PARD3: variants seen among roughly 807,000 people sequenced by gnomAD.
PARD3 encodes partitioning defective 3 homolog.
In PARD3, 75 loss-of-function variants were observed where a neutral mutation model predicts 155.4. The ratio of observed to expected loss-of-function variants is 0.48; its 90% CI spans 0.40 to 0.58. PARD3 has a LOEUF of 0.58. PARD3 is among the 20% of genes least tolerant of loss of function. PARD3 has a pLI of 0.00. For synonymous variants in PARD3, 576 were observed against 610.5 expected, an observed-to-expected ratio of 0.94 and a Z score of 0.83; for missense variants, 1,642 against 1,721.7, an observed-to-expected ratio of 0.95 and a Z score of 0.82.
At chr10:34,211,065 C>T (rs550445391) in intron 22 of PARD3, among the ~76,000 whole-genome samples, 1 of 152,242 alleles carries the variant, frequency 6.6e-6, no homozygotes, top group Admixed American at 6.5e-5. Context: ...TCTACTTCAC[C>T]GGGTTGACGT....
intron 1 of PARD3, among the ~76,000 whole-genome samples, chr10:34,732,058 T>C (rs1178143303): frequency 6.6e-6 from 1 of 152,174 alleles, no homozygotes; most frequent in African/African-American, 2.4e-5. Flanking sequence ...AGCAGGGTGT[T>C]TTCCCTGTCT....
intron 2 of PARD3, among the ~76,000 whole-genome samples, chr10:34,585,265 A>G (rs2087903092): frequency 6.6e-6 from 1 of 152,198 alleles, no homozygotes; most frequent in South Asian, 2.1e-4. Flanking sequence ...TTTAACATCT[A>G]TAGCCTTTTT....
chr10:34,611,400 A>G lies in PARD3; in HGVS notation c.222+84918T>C, dbSNP rs78434914. Among the ~76,000 whole-genome samples, 443 of 152,270 alleles carry G rather than the reference A, an allele frequency of 2.9e-3. 1 individual carries two copies. Among genetic ancestry groups the G allele is most frequent in the African/African-American group, 0.01 (423 of 41,546 alleles). On this transcript the variant is annotated intron_variant, in intron 2 of 24. Transcript: ENST00000374788. ...GTTAGGCATTACCTAACCATGTACT[A>G]TCCGAACTGGAAGGCAGAACAGATC...
At chr10:34,601,289 A>G (rs1005079093) in intron 2 of PARD3, among the ~76,000 whole-genome samples, 2 of 151,660 alleles carry the variant, frequency 1.3e-5, no homozygotes, top group Non-Finnish European at 2.9e-5. Flanking sequence ...AAAAAAGCAA[A>G]AATTAGCACC....
chr10:34,723,789 C>T (rs912972694), intron 1 of PARD3, among the ~76,000 whole-genome samples: 2 of 152,196 alleles, frequency 1.3e-5, no homozygotes, highest in Non-Finnish European at 2.9e-5. Context: ...AGCGGAGGAA[C>T]TGCAGGCTTG....
chr10:34,378,172 A>G lies in PARD3; in HGVS notation c.1400-66T>C, dbSNP rs74390603. The G allele has an allele frequency of 5.0e-4, 595 of 1,181,082 alleles. 1 individual carries two copies. The African/African-American group carries it at 8.1e-3, about 16-fold the overall frequency. The allele number at this position is 1,181,082 out of a possible 1,614,324, so 73.2% of individuals were successfully genotyped here. A position where few individuals can be genotyped will look rare whatever the true frequency, so the allele number is the denominator to read the frequency against. ...ATCTTGAATTTTACAGGTGTATTGC[A>G]CCAGTATACTCAACCTCAACTTGAC... On this transcript the variant is annotated intron_variant, in intron 9 of 24. Coordinates refer to ENST00000374788, the MANE Select transcript of PARD3 (RefSeq NM_001184785.2).
At chr10:34,748,060 C>T (rs557770704) in intron 1 of PARD3, among the ~76,000 whole-genome samples, 4 of 152,244 alleles carry the variant, frequency 2.6e-5, no homozygotes, top group East Asian at 1.9e-4. Context: ...CTTTGCTGTC[C>T]GGAACATCAT....
chr10:34,708,911 A>G (rs1277845983), intron 1 of PARD3, among the ~76,000 whole-genome samples: 3 of 152,194 alleles, frequency 2.0e-5, no homozygotes, highest in African/African-American at 7.2e-5. Flanking sequence ...TCCATGTGAT[A>G]ATAGCTTTGT....
intron 1 of PARD3, among the ~76,000 whole-genome samples, chr10:34,747,873 T>C (rs1835498899): frequency 1.3e-5 from 2 of 152,248 alleles, no homozygotes; most frequent in Admixed American, 1.3e-4. Flanking sequence ...TCTCCCTGCC[T>C]TTCTTTGCCT....
intron 3 of PARD3, among the ~76,000 whole-genome samples, chr10:34,499,447 G>A (rs546673710): frequency 1.1e-4 from 16 of 151,982 alleles, no homozygotes; most frequent in Admixed American, 4.6e-4. Flanking sequence ...AGTTATTTGC[G>A]AGGTTTCCAT....
chr10:34,675,105 C>T lies in PARD3; in HGVS notation c.222+21213G>A, dbSNP rs528987506. On this transcript the variant is annotated intron_variant, in intron 2 of 24. Coordinates refer to ENST00000374788, the MANE Select transcript of PARD3 (RefSeq NM_001184785.2). ...AAGGCAGTATTATTTTGAGTTGTGT[C>T]TTCTATTAATACTTCCTTGAAAAGG... is the stretch of plus-strand genomic sequence containing the variant. Among the ~76,000 whole-genome samples the T allele has an allele frequency of 3.9e-4, 59 of 152,280 alleles. No individual in the cohort carries two copies. In the South Asian group the frequency reaches 7.7e-3, roughly 20 times the overall value.
intron 2 of PARD3, among the ~76,000 whole-genome samples, chr10:34,670,341 G>T (rs79088806): frequency 0.019 from 2,859 of 152,342 alleles, 92 homozygotes; most frequent in African/African-American, 0.065. Flanking sequence ...TCTCAGGCAG[G>T]TGATCTGCAC....
chr10:34,767,877 T>C (rs1243519301), intron 1 of PARD3, among the ~76,000 whole-genome samples: 4 of 151,920 alleles, frequency 2.6e-5, no homozygotes, highest in East Asian at 3.9e-4. Flanking sequence ...TGGGCCAAGA[T>C]TGTGACACTG....
chr10:34,584,130 T>C (rs1241496446), intron 2 of PARD3, among the ~76,000 whole-genome samples: 6 of 152,200 alleles, frequency 3.9e-5, no homozygotes, highest in Non-Finnish European at 8.8e-5. Context: ...TATTTCTTCC[T>C]AGCCTAAACT....
At chr10:34,562,176 C>T (rs112503438) in intron 2 of PARD3, among the ~76,000 whole-genome samples, 5,169 of 141,110 alleles carry the variant, frequency 0.037, 344 homozygotes, top group African/African-American at 0.13. Flanking sequence ...GTGGCTCATG[C>T]CTATAATCCC....
At chr10:34,395,619 T>C (rs1225376870) in intron 7 of PARD3, among the ~76,000 whole-genome samples, 1 of 29,274 alleles carries the variant, frequency 3.4e-5, no homozygotes. Context: ...GGGTGGATCA[T>C]GAGGTCAGGA....
intron 22 of PARD3, among the ~76,000 whole-genome samples, chr10:34,223,133 A>G (rs1481135200): frequency 6.6e-6 from 1 of 152,118 alleles, no homozygotes; most frequent in Admixed American, 6.5e-5. Flanking sequence ...GCAGAGCAGG[A>G]AACACACGGG....
At chr10:34,676,783 T>TA (rs1375595278) in intron 2 of PARD3, among the ~76,000 whole-genome samples, 1 of 152,112 alleles carries the variant, frequency 6.6e-6, no homozygotes, top group Non-Finnish European at 1.5e-5. Context: ...AACTGGCAAA[T>TA]ACCAACACTT....
chr10:34,745,402 GAAGGA>G (rs1370258118), intron 1 of PARD3, among the ~76,000 whole-genome samples: 1 of 150,820 alleles, frequency 6.6e-6, no homozygotes, highest in Non-Finnish European at 1.5e-5. Flanking sequence ...GGAAGGAAAG[GAAGGA>G]AAGAGAGGGA....
Sources: gnomAD v4.1 joint callset for allele counts (sites outside exome capture counted in the v4.1 genomes callset) on GRCh38, gnomAD v4.1.1 for gene constraint, MANE v1.5 for transcripts, NCBI Gene and HGNC (gene_info 2026-07-23, HGNC 2026-07-21) for gene names.